DPP6: variants seen among roughly 807,000 people sequenced by gnomAD.
DPP6 encodes the protein A-type potassium channel modulatory protein DPP6.
Under a neutral mutation model 122.6 loss-of-function variants are expected in DPP6, and 69 were observed. That is an observed-to-expected ratio of 0.56 (90% CI 0.46 to 0.69). The LOEUF (loss-of-function observed/expected upper bound fraction) is 0.69. Among genes scored for constraint, DPP6 ranks in the 30% least tolerant of loss-of-function variants. The pLI is 0.00. For missense variants in DPP6, 928 were observed against 1,116.9 expected (o/e 0.83, Z 2.41); for synonymous variants, 418 against 433.1 (o/e 0.97, Z 0.43).
rs1332610505 is a variant in DPP6, at chr7:154,894,197, CA to C, written c.*1718del. 2.6e-5 allele frequency: 4 copies of C among 152,264 alleles called. No individual in the cohort carries two copies. Among genetic ancestry groups the C allele is most frequent in the Admixed American group, 2.0e-4 (3 of 15,276 alleles). 9.4% of individuals were successfully genotyped at this position (152,264 alleles called of 1,614,324 possible). ...GCCAGCTAGGTCTGGAAGGGGAAGC[CA>C]GCTCTGGCCACGACATCTGGTCGGA... On this transcript the variant is annotated 3_prime_UTR_variant, in exon 26 of 26. Transcript: ENST00000377770.
At chr7:153,964,152 C>T (rs71545684) in intron 1 of DPP6, among the ~76,000 whole-genome samples, 7 of 152,124 alleles carry the variant, frequency 4.6e-5, no homozygotes, top group South Asian at 2.1e-4. Flanking sequence ...CCCCCCACCA[C>T]GCCTGGCCAA....
At chr7:153,971,355 G>T (rs138226531) in intron 1 of DPP6, among the ~76,000 whole-genome samples, 12,254 of 150,910 alleles carry the variant, frequency 0.081, 1,513 homozygotes, top group African/African-American at 0.27. Flanking sequence ...CTACATAGCT[G>T]TTCATTTTAT....
Position 154,620,197 on chromosome 7 carries a change from C to G in DPP6, c.628-17624C>G, listed in dbSNP as rs578053655. Reference sequence around the variant, plus strand: ...GCTAATTACATCAGTATTTTTAACTCTGGGAAAATGTAAAAAGAATTTAGC... The same window carrying G: ...GCTAATTACATCAGTATTTTTAACTGTGGGAAAATGTAAAAAGAATTTAGC... On this transcript the variant is annotated intron_variant, in intron 5 of 25. Coordinates refer to ENST00000377770, the MANE Select transcript of DPP6 (RefSeq NM_130797.4). Among the ~76,000 whole-genome samples the G allele has an allele frequency of 6.6e-5, 10 of 152,182 alleles. No homozygotes were observed. The East Asian group carries it at 1.9e-3, about 29-fold the overall frequency.
chr7:154,356,535 T>C (rs953385398), intron 1 of DPP6, among the ~76,000 whole-genome samples: 2 of 151,892 alleles, frequency 1.3e-5, no homozygotes, highest in African/African-American at 2.4e-5. Flanking sequence ...ACCACTGCAC[T>C]CCAGCCTGGA....
chr7:154,128,559 G>C (rs1808115319), intron 1 of DPP6, among the ~76,000 whole-genome samples: 1 of 152,040 alleles, frequency 6.6e-6, no homozygotes, highest in African/African-American at 2.4e-5. Flanking sequence ...CCGCCACCGC[G>C]CCTGGCTAAT....
intron 1 of DPP6, among the ~76,000 whole-genome samples, chr7:153,936,682 G>T (rs1194250123): frequency 6.6e-6 from 1 of 151,900 alleles, no homozygotes; most frequent in Non-Finnish European, 1.5e-5. Context: ...GGGGTGGTGG[G>T]CGCCTGTGGT....
the DPP6 span, among the ~76,000 whole-genome samples, chr7:153,871,692 G>C: frequency 1.3e-5 from 2 of 152,192 alleles, no homozygotes; most frequent in African/African-American, 4.8e-5. Flanking sequence ...CCAGTGAGAT[G>C]AACCCAGTAC....
At position 154,306,309 on chromosome 7, in the gene DPP6, G is replaced by T. The variant is rs1003916241; in HGVS notation, c.244-139905G>T. On this transcript the variant is annotated intron_variant, in intron 1 of 25. Coordinates refer to ENST00000377770, the MANE Select transcript of DPP6 (RefSeq NM_130797.4). Reference sequence around the variant, plus strand: ...GTGAGTCAGCCAGCCGCTTCACCACGCGTGTAGACATCGTAATTCCCTCCT... The same window carrying T: ...GTGAGTCAGCCAGCCGCTTCACCACTCGTGTAGACATCGTAATTCCCTCCT... 1.1e-4 allele frequency among the ~76,000 whole-genome samples: 17 copies of T among 152,330 alleles called. No individual in the cohort carries two copies. The South Asian group carries it at 3.5e-3, about 32-fold the overall frequency.
intron 1 of DPP6, among the ~76,000 whole-genome samples, chr7:153,929,663 C>T (rs1018185099): frequency 6.6e-6 from 1 of 152,064 alleles, no homozygotes; most frequent in Non-Finnish European, 1.5e-5. Context: ...AGGGCACTTT[C>T]CCACCAGCAG....
intron 1 of DPP6, among the ~76,000 whole-genome samples, chr7:154,373,078 C>T (rs566351488): frequency 3.9e-5 from 6 of 152,314 alleles, no homozygotes; most frequent in South Asian, 2.1e-4. Flanking sequence ...CTTCCTCTCT[C>T]GTTTTCTTTC....
intron 1 of DPP6, among the ~76,000 whole-genome samples, chr7:154,290,449 G>A (rs1434707495): frequency 6.6e-6 from 1 of 151,774 alleles, no homozygotes; most frequent in Non-Finnish European, 1.5e-5. Context: ...GGGCTCCTTG[G>A]CAATCTGAGC....
intron 1 of DPP6, among the ~76,000 whole-genome samples, chr7:154,134,924 TCACTTCCTGTGAACCCA>T (rs1263631477): frequency 6.7e-6 from 1 of 149,568 alleles, no homozygotes; most frequent in Non-Finnish European, 1.5e-5. Flanking sequence ...CTGTGAGCTC[TCACTTCCTGTGAACCCA>T]CACTTCCTGT....
At chr7:154,092,775 T>G (rs1481928739) in intron 1 of DPP6, 3 of 152,052 alleles carry the variant, frequency 2.0e-5, no homozygotes, top group Admixed American at 2.0e-4. Context: ...CGGACTATAT[T>G]CATATCTTTT....
At chr7:154,698,098 G>A (rs1357310083) in intron 7 of DPP6, among the ~76,000 whole-genome samples, 1 of 152,028 alleles carries the variant, frequency 6.6e-6, no homozygotes, top group African/African-American at 2.4e-5. Flanking sequence ...ATTTTAGTAT[G>A]TTTTCTAAAT....
chr7:154,349,346 T>C (rs1810659351), intron 1 of DPP6, among the ~76,000 whole-genome samples: 1 of 152,098 alleles, frequency 6.6e-6, no homozygotes, highest in Admixed American at 6.5e-5. Flanking sequence ...TGGCTAATTT[T>C]TGTATCTTTA....
intron 1 of DPP6, among the ~76,000 whole-genome samples, chr7:154,098,574 C>T (rs1330977207): frequency 6.7e-6 from 1 of 149,342 alleles, no homozygotes; most frequent in Non-Finnish European, 1.5e-5. Flanking sequence ...AGACAGATCT[C>T]CTAGGGGCCT....
rs1275256667 is a variant in DPP6 at position 154,066,330 on chromosome 7, G to C, written c.243+13267G>C. 2.0e-5 allele frequency among the ~76,000 whole-genome samples: 3 copies of C among 152,266 alleles called. No homozygotes were observed. The East Asian group carries it at 5.8e-4, about 29-fold the overall frequency. ...CTGCCTTGGCCTCCCAAAGTGTTGG[G>C]ATTATAGGTGTGAGTCACTGTGCCC... On this transcript the variant is annotated intron_variant, in intron 1 of 25. Coordinates refer to ENST00000377770, the MANE Select transcript of DPP6 (RefSeq NM_130797.4).
Position 154,297,621 on chromosome 7 carries a change from G to A in DPP6, c.244-148593G>A, listed in dbSNP as rs1194709101. On this transcript the variant is annotated intron_variant, in intron 1 of 25. Coordinates refer to ENST00000377770, the MANE Select transcript of DPP6 (RefSeq NM_130797.4). ...TATCAATTTTGGCTTGGTTGTGCAC[G>A]CCAGAAAACCTAAAATAACAGTGCC... is the stretch of plus-strand genomic sequence containing the variant. Among the ~76,000 whole-genome samples, 11 of 152,298 alleles carry A rather than the reference G, an allele frequency of 7.2e-5. No homozygotes were observed. The South Asian group carries it at 1.2e-3, about 17-fold the overall frequency.
At chr7:154,508,304 C>T (rs545625035) in intron 3 of DPP6, among the ~76,000 whole-genome samples, 4 of 152,222 alleles carry the variant, frequency 2.6e-5, no homozygotes, top group South Asian at 2.1e-4. Context: ...TTCTTTCTCA[C>T]GTTGCAATTA....
Sources: allele counts gnomAD v4.1 joint callset (sites outside exome capture counted in the v4.1 genomes callset), GRCh38; gene constraint gnomAD v4.1.1; transcripts MANE v1.5; gene names NCBI Gene and HGNC (gene_info 2026-07-23, HGNC 2026-07-21).